METTL8: variants seen among roughly 807,000 people sequenced by gnomAD.
METTL8 encodes methyltransferase 8, tRNA N3-cytidine, also known as tRNA N(3)-cytidine methyltransferase METTL8, mitochondrial.
A neutral mutation model predicts 48.7 loss-of-function variants in METTL8; 32 were observed. The observed-to-expected ratio is 0.66, with a 90% CI of 0.50 to 0.88. METTL8 has a LOEUF of 0.88. METTL8 is among the 40% of genes least tolerant of loss of function. METTL8 has a pLI of 0.00. For missense variants in METTL8, 464 were observed against 474.4 expected (o/e 0.98, Z 0.20); for synonymous variants, 136 against 157.1 (o/e 0.87, Z 1.01).
upstream of METTL8, chr2:171,434,750 G>A: frequency 7.2e-7 from 1 of 1,391,218 alleles, no homozygotes; most frequent in South Asian, 1.6e-5. Flanking sequence ...CGGGCGCGCG[G>A]CGGCCGAGCC....
intron 3 of METTL8, among the ~76,000 whole-genome samples, chr2:171,353,547 T>C (rs1328330758): frequency 6.6e-6 from 1 of 152,254 alleles, no homozygotes; most frequent in Admixed American, 6.5e-5. Context: ...CTCATTGATC[T>C]GTCTAATGTT....
rs139102903 is a variant in METTL8, at chr2:171,356,891, A to G, written c.235+3531T>C. Among the ~76,000 whole-genome samples, 955 of 151,864 alleles carry G rather than the reference A, an allele frequency of 6.3e-3. 7 individuals are homozygous for G. The highest frequency in any genetic ancestry group is 0.021 in the African/African-American group (852 of 41,412). ...TGGCCAGAGACATTAGGCAAGAGAA[A>G]GAAATAAAGGGCAGCTAAGTTGGAA... On this transcript the variant is annotated intron_variant, in intron 3 of 9. Transcript: ENST00000375258.
At chr2:171,381,758 A>C (rs900754590) in intron 2 of METTL8, among the ~76,000 whole-genome samples, 1 of 151,570 alleles carries the variant, frequency 6.6e-6, no homozygotes, top group African/African-American at 2.4e-5. Context: ...GACGCTGACA[A>C]GGCTGTGGAC....
chr2:171,330,574 G>T lies in METTL8; in HGVS notation c.845C>A (p.Ser282Tyr), dbSNP rs866962520. 2 of 1,613,818 alleles carry T rather than the reference G, an allele frequency of 1.2e-6. No individual in the cohort carries two copies. Among genetic ancestry groups the T allele is most frequent in the East Asian group, 4.5e-5 (2 of 44,868 alleles). The change falls in exon 7 of 10, where the codon TCT becomes TAT. Residue 282 changes from serine (S) to tyrosine (Y), a missense_variant. Coordinates refer to ENST00000375258, the MANE Select transcript of METTL8 (RefSeq NM_001321154.2). ...CTTCATTTACCTGTCAGGATGAATA[G>T]AAGAGAGCACAAAGACAAGGAGAAT... Reference protein sequence around the residue: ...DVILLVFVLSSIHPDRMQGVV... With the variant: ...DVILLVFVLSYIHPDRMQGVV...
At chr2:171,425,166 T>G (rs1692274888) in intron 1 of METTL8, among the ~76,000 whole-genome samples, 1 of 152,210 alleles carries the variant, frequency 6.6e-6, no homozygotes, top group Non-Finnish European at 1.5e-5. Context: ...CATGAGGAAC[T>G]GTGAGTCAAT....
chr2:171,357,751 G>A (rs953992474), intron 3 of METTL8, among the ~76,000 whole-genome samples: 1 of 151,754 alleles, frequency 6.6e-6, no homozygotes, highest in Non-Finnish European at 1.5e-5. Context: ...CTGGAGTGCA[G>A]TGGCACAATT....
chr2:171,352,804 C>T (rs1394192690), intron 3 of METTL8, among the ~76,000 whole-genome samples: 2 of 152,206 alleles, frequency 1.3e-5, no homozygotes, highest in Non-Finnish European at 2.9e-5. Flanking sequence ...TCTGTGGGAT[C>T]AGTGGTGATA....
chr2:171,384,256 C>T (rs1687836229), intron 2 of METTL8, among the ~76,000 whole-genome samples: 1 of 152,124 alleles, frequency 6.6e-6, no homozygotes, highest in South Asian at 2.1e-4. Context: ...GTCTGTAATC[C>T]CAGCACATTG....
In METTL8 at chr2:171,339,406, T is replaced by A; in HGVS notation, c.384A>T (p.Ser128=). ...CACTAGTTTTTACATGATCCCATGA[T>A]GATTCTCTCGCCTTCTCTTCAGGTT... ...DQKPEEKARE[S]SWDHVKTSAT... The change falls in exon 4 of 10, where the codon TCA becomes TCT. Residue 128 remains serine (S), a synonymous_variant. Coordinates refer to ENST00000375258, the MANE Select transcript of METTL8 (RefSeq NM_001321154.2). The A allele has an allele frequency of 3.1e-6, 5 of 1,613,786 alleles. No individual in the cohort carries two copies. Among genetic ancestry groups the A allele is most frequent in the Non-Finnish European group, 4.2e-6 (5 of 1,179,804 alleles).
At chr2:171,365,531 A>G (rs906198500) in intron 2 of METTL8, among the ~76,000 whole-genome samples, 3 of 152,090 alleles carry the variant, frequency 2.0e-5, no homozygotes, top group Non-Finnish European at 4.4e-5. Context: ...CCCGCCTTTT[A>G]AACTCTTATT....
chr2:171,347,464 C>T (rs1223076487), intron 3 of METTL8, among the ~76,000 whole-genome samples: 3 of 152,074 alleles, frequency 2.0e-5, no homozygotes, highest in Admixed American at 6.5e-5. Context: ...CACATACAAA[C>T]GACTTTAAGG....
intron 1 of METTL8, among the ~76,000 whole-genome samples, chr2:171,420,878 GA>G (rs1336933123): frequency 6.6e-6 from 1 of 152,202 alleles, no homozygotes; most frequent in Non-Finnish European, 1.5e-5. Flanking sequence ...TAGTGACTGT[GA>G]AATGGAAGAC....
intron 1 of METTL8, among the ~76,000 whole-genome samples, chr2:171,404,227 T>C (rs1024723795): frequency 6.6e-6 from 1 of 151,628 alleles, no homozygotes; most frequent in South Asian, 2.1e-4. Flanking sequence ...CTTATTATAC[T>C]GTATTAACCC....
intron 1 of METTL8, among the ~76,000 whole-genome samples, chr2:171,420,575 T>C (rs868609507): frequency 6.6e-6 from 1 of 152,168 alleles, no homozygotes; most frequent in South Asian, 2.1e-4. Flanking sequence ...TTATTAAACA[T>C]ACCCCTGAGC....
chr2:171,338,564 C>T (rs1014528926), intron 4 of METTL8, among the ~76,000 whole-genome samples: 44 of 151,034 alleles, frequency 2.9e-4, no homozygotes. Context: ...TGCTTGAACC[C>T]GGGAGGCAGA....
chr2:171,424,397 GA>G (rs1167810714), intron 1 of METTL8, among the ~76,000 whole-genome samples: 1 of 152,154 alleles, frequency 6.6e-6, no homozygotes, highest in South Asian at 2.1e-4. Flanking sequence ...CATGTGCCTG[GA>G]AAAGCCTCAG....
At chr2:171,424,996 T>G (rs188627586) in intron 1 of METTL8, among the ~76,000 whole-genome samples, 277 of 152,286 alleles carry the variant, frequency 1.8e-3, no homozygotes, top group African/African-American at 6.2e-3. Flanking sequence ...ACCCTCATGC[T>G]GTTCTCATGA....
intron 1 of METTL8, among the ~76,000 whole-genome samples, chr2:171,405,678 T>C (rs1690103155): frequency 6.6e-6 from 1 of 152,040 alleles, no homozygotes; most frequent in African/African-American, 2.4e-5. Flanking sequence ...ACACAAAGAC[T>C]GAAGATACTG....
chr2:171,354,026 CGTTA>C (rs1684249703), intron 3 of METTL8, among the ~76,000 whole-genome samples: 2 of 152,038 alleles, frequency 1.3e-5, no homozygotes. Flanking sequence ...TTATTTTGCC[CGTTA>C]GTTGATGCAG....
Sources: allele counts gnomAD v4.1 joint callset (sites outside exome capture counted in the v4.1 genomes callset), GRCh38; gene constraint gnomAD v4.1.1; transcripts MANE v1.5; gene names NCBI Gene and HGNC (gene_info 2026-07-23, HGNC 2026-07-21).